Variants in TAOK1 observed in about 807,000 individuals in gnomAD.
TAOK1 encodes the protein TAO kinase 1, also known as serine/threonine-protein kinase TAO1.
TAOK1 carries 21 observed loss-of-function variants against 138.3 expected under a neutral mutation model. The observed-to-expected ratio is 0.15, with a 90% CI of 0.11 to 0.22. TAOK1 has a LOEUF of 0.22. TAOK1 is among the 10% of genes least tolerant of loss of function. The probability of loss-of-function intolerance (pLI) is 1.00; values close to 1 mark genes in which losing one functional copy is unlikely to be tolerated. For missense variants in TAOK1, 651 were observed against 1,227.7 expected (o/e 0.53, Z 7.02); for synonymous variants, 361 against 398.4 (o/e 0.91, Z 1.12).
At chr17:29,474,355 G>A (rs915490850) in intron 3 of TAOK1, among the ~76,000 whole-genome samples, 3 of 151,992 alleles carry the variant, frequency 2.0e-5, no homozygotes, top group Admixed American at 6.6e-5. Context: ...TTGGCTATTT[G>A]GTGCAAAAGG....
chr17:29,533,004 A>ATGGGGCGGTTG lies in TAOK1; in HGVS notation c.2362-1114_2362-1113insTGGGGCGGTTG, dbSNP rs766983857. Among the ~76,000 whole-genome samples, 22 of 65,394 alleles carry ATGGGGCGGTTG rather than the reference A, an allele frequency of 3.4e-4. 4 individuals are homozygous for ATGGGGCGGTTG. Among genetic ancestry groups the ATGGGGCGGTTG allele is most frequent in the African/African-American group, 7.2e-4 (12 of 16,624 alleles). The allele number at this position is 65,394 out of a possible 152,430, so 42.9% of individuals were successfully genotyped here. A position where few individuals can be genotyped will look rare whatever the true frequency, so the allele number is the denominator to read the frequency against. ...GCAGGGGGCTGACCCCCCCACCTCC[A>ATGGGGCGGTTG]ACCGGGCGGGGGGCTGACCCCCACC... On this transcript the variant is annotated intron_variant, in intron 18 of 19. Transcript: ENST00000261716.
chr17:29,500,791 A>G (rs1393675868), intron 12 of TAOK1, among the ~76,000 whole-genome samples: 1 of 152,138 alleles, frequency 6.6e-6, no homozygotes, highest in African/African-American at 2.4e-5. Flanking sequence ...TTACTCAGCT[A>G]TAAAAAGGAA....
chr17:29,436,770 A>G (rs1272364854), intron 1 of TAOK1, among the ~76,000 whole-genome samples: 1 of 152,200 alleles, frequency 6.6e-6, no homozygotes, highest in Non-Finnish European at 1.5e-5. Context: ...ATTTACTAAG[A>G]TATAACCTAA....
chr17:29,449,318 C>T (rs2030174237), intron 1 of TAOK1, among the ~76,000 whole-genome samples: 1 of 151,888 alleles, frequency 6.6e-6, no homozygotes, highest in Non-Finnish European at 1.5e-5. Flanking sequence ...CAGGGAACTT[C>T]TAGAACAGGG....
chr17:29,456,632 C>G (rs1318306361), intron 2 of TAOK1, among the ~76,000 whole-genome samples: 1 of 150,588 alleles, frequency 6.6e-6, no homozygotes, highest in Non-Finnish European at 1.5e-5. Flanking sequence ...GCAAATATTC[C>G]AAAATGTGAA....
intron 17 of TAOK1, among the ~76,000 whole-genome samples, chr17:29,525,172 G>T (rs1225494568): frequency 6.6e-6 from 1 of 152,088 alleles, no homozygotes; most frequent in Admixed American, 6.6e-5. Flanking sequence ...GAATGCAATG[G>T]CACGATCTCA....
chr17:29,460,291 A>T (rs1272589294), intron 2 of TAOK1, among the ~76,000 whole-genome samples: 1 of 152,214 alleles, frequency 6.6e-6, no homozygotes, highest in Non-Finnish European at 1.5e-5. Flanking sequence ...TCCCGGGTTC[A>T]TGCAATTCTT....
intron 1 of TAOK1, among the ~76,000 whole-genome samples, chr17:29,392,911 G>A (rs1001684799): frequency 6.6e-6 from 1 of 152,152 alleles, no homozygotes; most frequent in Non-Finnish European, 1.5e-5. Context: ...GGTGTTAGTA[G>A]TAGCGCTAGG....
intron 3 of TAOK1, among the ~76,000 whole-genome samples, chr17:29,469,200 T>C (rs1045526088): frequency 6.6e-6 from 1 of 151,626 alleles, no homozygotes; most frequent in Admixed American, 6.6e-5. Flanking sequence ...CTGGGGAACA[T>C]AGTGAGATCC....
intron 2 of TAOK1, among the ~76,000 whole-genome samples, chr17:29,464,612 TAATC>T (rs2030611671): frequency 6.6e-6 from 1 of 152,162 alleles, no homozygotes; most frequent in African/African-American, 2.4e-5. Context: ...TTAGTCCTAT[TAATC>T]AAAATCAGGG....
intron 3 of TAOK1, among the ~76,000 whole-genome samples, chr17:29,475,116 T>C (rs1424909363): frequency 6.6e-6 from 1 of 152,062 alleles, no homozygotes; most frequent in Admixed American, 6.6e-5. Context: ...AATTTTTGTA[T>C]TTTTAGTAGA....
chr17:29,531,273 T>TA (rs1177164541), intron 18 of TAOK1, among the ~76,000 whole-genome samples: 17 of 150,918 alleles, frequency 1.1e-4, no homozygotes, highest in Non-Finnish European at 2.2e-4. Flanking sequence ...GGCTACAAAT[T>TA]TTTTATTTAT....
At chr17:29,447,949 C>G (rs538979535) in intron 1 of TAOK1, among the ~76,000 whole-genome samples, 2,202 of 138,096 alleles carry the variant, frequency 0.016, 23 homozygotes, top group Middle Eastern at 0.082. Context: ...AGCCACTGCA[C>G]CTGGTCTTTT....
intron 1 of TAOK1, among the ~76,000 whole-genome samples, chr17:29,407,513 A>G (rs933244736): frequency 6.6e-6 from 1 of 150,996 alleles, no homozygotes; most frequent in African/African-American, 2.4e-5. Flanking sequence ...GGGCACAATC[A>G]TGGCTCACTG....
At chr17:29,392,240 TTACA>T (rs1169141818) in intron 1 of TAOK1, among the ~76,000 whole-genome samples, 1 of 152,170 alleles carries the variant, frequency 6.6e-6, no homozygotes, top group Non-Finnish European at 1.5e-5. Context: ...TTAACAATTA[TTACA>T]TACAGACAGC....
chr17:29,400,489 C>A (rs1048592811), intron 1 of TAOK1, among the ~76,000 whole-genome samples: 2 of 151,560 alleles, frequency 1.3e-5, no homozygotes, highest in Non-Finnish European at 2.9e-5. Flanking sequence ...TCCTGGAGCT[C>A]TTTTTACCAT....
chr17:29,417,879 C>G (rs1447878786), intron 1 of TAOK1, among the ~76,000 whole-genome samples: 1 of 151,900 alleles, frequency 6.6e-6, no homozygotes, highest in African/African-American at 2.4e-5. Flanking sequence ...TTCTTTGATT[C>G]TCTCTCTTCT....
intron 10 of TAOK1, 129 bp downstream of exon 10, chr17:29,491,994 C>T (rs555369783): frequency 1.6e-6 from 1 of 612,200 alleles, no homozygotes; most frequent in Non-Finnish European, 2.8e-6. Context: ...AAGCGATCCT[C>T]CCACCTCAGC....
rs78807458 is a variant in TAOK1 at position 29,475,798 on chromosome 17, A to G, written c.306+27A>G. ...TTGGTATTTGTTCTCCCCTTGTTGCAGTTTTAGCTGATTTTGGTTTATAAT... is the reference window on the plus strand; with the variant it reads ...TTGGTATTTGTTCTCCCCTTGTTGCGGTTTTAGCTGATTTTGGTTTATAAT... On this transcript the variant is annotated intron_variant, in intron 4 of 19. Transcript: ENST00000261716. 4,988 of 1,558,406 alleles carry G rather than the reference A, an allele frequency of 3.2e-3. 215 individuals are homozygous for G. In the East Asian group the frequency reaches 0.091, roughly 28 times the overall value.
Sources: gnomAD v4.1 joint callset for allele counts (sites outside exome capture counted in the v4.1 genomes callset) on GRCh38, gnomAD v4.1.1 for gene constraint, MANE v1.5 for transcripts, NCBI Gene and HGNC (gene_info 2026-07-23, HGNC 2026-07-21) for gene names.